CHRNA7: variants seen among roughly 807,000 people sequenced by gnomAD.
The protein encoded by CHRNA7 is neuronal acetylcholine receptor subunit alpha-7.
CHRNA7 carries 17 observed loss-of-function variants against 48.0 expected under a neutral mutation model. That is an observed-to-expected ratio of 0.35 (90% CI 0.24 to 0.53). The LOEUF is 0.53. CHRNA7 is among the 20% of genes least tolerant of loss of function. The pLI is 0.92. For missense variants in CHRNA7, 155 were observed against 577.7 expected (o/e 0.27, Z 7.50); for synonymous variants, 75 against 242.3 (o/e 0.31, Z 6.41).
At chr15:32,162,468 G>C (rs1337724679) in intron 8 of CHRNA7, 9 of 89,640 alleles carry the variant, frequency 1.0e-4, no homozygotes, top group African/African-American at 3.4e-4. Context: ...GGAAATGGGA[G>C]GAAGACTAAA....
At chr15:32,140,585 G>C in intron 4 of CHRNA7, among the ~76,000 whole-genome samples, 1 of 152,180 alleles carries the variant, frequency 6.6e-6, no homozygotes, top group Non-Finnish European at 1.5e-5. Flanking sequence ...AGCATCTGTT[G>C]TTTCCTGACT....
intron 2 of CHRNA7, among the ~76,000 whole-genome samples, chr15:32,093,939 G>A (rs967642115): frequency 1.3e-5 from 2 of 152,188 alleles, no homozygotes; most frequent in African/African-American, 2.4e-5. Flanking sequence ...GAATCACTCT[G>A]CTGGGGGAGT....
At chr15:32,088,047 A>G (rs2050326523) in intron 2 of CHRNA7, among the ~76,000 whole-genome samples, 1 of 152,242 alleles carries the variant, frequency 6.6e-6, no homozygotes, top group Non-Finnish European at 1.5e-5. Context: ...CACCATTACA[A>G]TATGATACAG....
At chr15:32,122,155 A>G (rs1161124187) in intron 4 of CHRNA7, among the ~76,000 whole-genome samples, 2 of 152,226 alleles carry the variant, frequency 1.3e-5, no homozygotes, top group Non-Finnish European at 2.9e-5. Flanking sequence ...CAAGTAGCAC[A>G]TGGCAAGCAG....
intron 2 of CHRNA7, among the ~76,000 whole-genome samples, chr15:32,048,007 C>T (rs1169509116): frequency 6.6e-6 from 1 of 152,150 alleles, no homozygotes; most frequent in Non-Finnish European, 1.5e-5. Flanking sequence ...AGTCTTGCAT[C>T]CCAGGGATGA....
chr15:32,045,605 C>G (rs999292076), intron 2 of CHRNA7, among the ~76,000 whole-genome samples: 1 of 151,582 alleles, frequency 6.6e-6, no homozygotes, highest in Non-Finnish European at 1.5e-5. Flanking sequence ...GGCACAGTCT[C>G]GGCTCACTGC....
chr15:32,038,778 C>G (rs899165657), intron 2 of CHRNA7, among the ~76,000 whole-genome samples: 2 of 152,180 alleles, frequency 1.3e-5, no homozygotes, highest in African/African-American at 2.4e-5. Flanking sequence ...ATGCAGGCCT[C>G]ATAGAATGTT....
At chr15:32,101,424 T>A in intron 3 of CHRNA7, 77 bp downstream of exon 3, 1 of 1,463,864 alleles carries the variant, frequency 6.8e-7, no homozygotes, top group Non-Finnish European at 9.2e-7. Flanking sequence ...ATACCTGAGA[T>A]GCTTGCTTCT....
intron 2 of CHRNA7, among the ~76,000 whole-genome samples, chr15:32,087,597 C>T (rs557526648): frequency 1.3e-5 from 2 of 152,242 alleles, no homozygotes; most frequent in South Asian, 4.2e-4. Context: ...TGTATGTAAC[C>T]GTATGTATCC....
At chr15:32,143,818 A>G (rs778663060) in intron 4 of CHRNA7, among the ~76,000 whole-genome samples, 44 of 152,028 alleles carry the variant, frequency 2.9e-4, no homozygotes, top group Non-Finnish European at 5.7e-4. Context: ...GTGTCTCTGC[A>G]TGTGAGATGG....
intron 4 of CHRNA7, among the ~76,000 whole-genome samples, chr15:32,139,714 G>T (rs1595492089): frequency 6.6e-6 from 1 of 151,820 alleles, no homozygotes; most frequent in East Asian, 1.9e-4. Context: ...TGGATTGTTT[G>T]TTTTCTTATT....
chr15:32,062,889 A>G (rs1386710147), intron 2 of CHRNA7, among the ~76,000 whole-genome samples: 2 of 152,170 alleles, frequency 1.3e-5, no homozygotes, highest in African/African-American at 2.4e-5. Flanking sequence ...GTCTACTTAC[A>G]CAGACCTAGG....
chr15:32,124,913 G>A (rs1345220846), intron 4 of CHRNA7, among the ~76,000 whole-genome samples: 2 of 152,124 alleles, frequency 1.3e-5, no homozygotes, highest in African/African-American at 4.8e-5. Flanking sequence ...TGCAAACCAG[G>A]ACAGTTGCCC....
At chr15:32,114,045 T>TATATATATAC (rs1491172763) in intron 4 of CHRNA7, among the ~76,000 whole-genome samples, 21 of 35,336 alleles carry the variant, frequency 5.9e-4, no homozygotes, top group Admixed American at 2.0e-3. Flanking sequence ...TATATATATG[T>TATATATATAC]ATATATATAT....
intron 4 of CHRNA7, among the ~76,000 whole-genome samples, chr15:32,130,739 T>G (rs2141316418): frequency 6.6e-6 from 1 of 152,142 alleles, no homozygotes; most frequent in Admixed American, 6.5e-5. Flanking sequence ...TGACTACTGA[T>G]ATAAACATCT....
chr15:32,139,550 G>A (rs1474719893), intron 4 of CHRNA7, among the ~76,000 whole-genome samples: 1 of 151,174 alleles, frequency 6.6e-6, no homozygotes, highest in Non-Finnish European at 1.5e-5. Flanking sequence ...CTGGATTTTG[G>A]TCATTCTAAT....
At chr15:32,136,889 G>A (rs1414924302) in intron 4 of CHRNA7, among the ~76,000 whole-genome samples, 18 of 149,866 alleles carry the variant, frequency 1.2e-4, no homozygotes, top group African/African-American at 3.7e-4. Flanking sequence ...AAAATTAGCC[G>A]GGCGTGGTGG....
intron 3 of CHRNA7, among the ~76,000 whole-genome samples, chr15:32,107,377 A>G (rs2050688027): frequency 1.3e-5 from 2 of 152,044 alleles, no homozygotes; most frequent in Non-Finnish European, 2.9e-5. Context: ...ACTTTCTAAG[A>G]TGACTGACAG....
At chr15:32,083,159 C>G (rs1413264574) in intron 2 of CHRNA7, among the ~76,000 whole-genome samples, 1 of 152,136 alleles carries the variant, frequency 6.6e-6, no homozygotes, top group Non-Finnish European at 1.5e-5. Context: ...TGCAACAGTA[C>G]TGGGAAGTGG....
Sources: gnomAD v4.1 joint callset for allele counts (sites outside exome capture counted in the v4.1 genomes callset) on GRCh38, gnomAD v4.1.1 for gene constraint, MANE v1.5 for transcripts, NCBI Gene and HGNC (gene_info 2026-07-23, HGNC 2026-07-21) for gene names.